LSR: variants seen among roughly 807,000 people sequenced by gnomAD.
The protein encoded by LSR is lipolysis stimulated lipoprotein receptor.
A neutral mutation model predicts 61.8 loss-of-function variants in LSR; 44 were observed. The observed-to-expected ratio is 0.71, with a 90% confidence interval of 0.56 to 0.91. The LOEUF (loss-of-function observed/expected upper bound fraction) is 0.91, where lower values mean the gene tolerates loss of function less well. Ranked by LOEUF, LSR falls within the 40% of genes least tolerant of loss-of-function variation. The pLI is 0.00. For missense variants in LSR, 911 were observed against 830.5 expected, an observed-to-expected ratio of 1.10 and a Z score of -1.19; for synonymous variants, 397 against 350.6, an observed-to-expected ratio of 1.13 and a Z score of -1.48.
rs372103756 is a variant in LSR, at chr19:35,263,475, C to T, written c.778+783C>T. Among the ~76,000 whole-genome samples, 235 of 152,286 alleles carry T rather than the reference C, an allele frequency of 1.5e-3. 9 individuals are homozygous for T. The South Asian group carries it at 0.037, about 24-fold the overall frequency. Reference sequence around the variant, plus strand: ...GGTTCAAGCAGTCCTCCCGCCTCAGCCTCTGGAGCAGCTGGGACTGTAGGC... The same window carrying T: ...GGTTCAAGCAGTCCTCCCGCCTCAGTCTCTGGAGCAGCTGGGACTGTAGGC... On this transcript the variant is annotated intron_variant, in intron 5 of 9. Transcript: ENST00000605618.
At chr19:35,261,272 T>A (rs987233440) in intron 3 of LSR, among the ~76,000 whole-genome samples, 31 of 152,210 alleles carry the variant, frequency 2.0e-4, no homozygotes, top group African/African-American at 7.0e-4. Context: ...TATGTGGGTA[T>A]TTTTGCCTTC....
intron 4 of LSR, 132 bp downstream of exon 4, chr19:35,262,113 T>C (rs1262543818): frequency 3.5e-6 from 3 of 866,468 alleles, no homozygotes; most frequent in Non-Finnish European, 5.3e-6. Context: ...CTGGCCTGAC[T>C]GTGGCTCTGA....
In LSR at chr19:35,267,737, G is replaced by A. The variant is rs774957930; in HGVS notation, c.1770+3G>A. 6.2e-7 allele frequency: 1 copy of A among 1,609,570 alleles called. No individual in the cohort carries two copies. Among genetic ancestry groups the A allele is most frequent in the Non-Finnish European group, 8.5e-7 (1 of 1,178,614 alleles). On this transcript the variant is annotated splice_donor_region_variant and intron_variant, in intron 9 of 9. Coordinates refer to ENST00000605618, the MANE Select transcript of LSR (RefSeq NM_205834.4). The stretch of plus-strand genomic sequence containing the variant: ...CCCGAGAGCGCAGGCTCAAGAAGGT[G>A]AGGGCCGCCCTCCCTGGCGTCCAGA...
rs766581305 is a variant in LSR, at chr19:35,249,002, A to G, written c.-21A>G. The G allele has an allele frequency of 7.5e-6, 12 of 1,609,762 alleles. No homozygotes were observed. In the South Asian group the frequency reaches 7.7e-5, roughly 10 times the overall value. ...GTACTTTGGAAGGGACGCGCGGGCC[A>G]GACGCGCCCAGACGGCCGCGATGGC... On this transcript the variant is annotated 5_prime_UTR_variant, in exon 1 of 10. Coordinates refer to ENST00000605618, the MANE Select transcript of LSR (RefSeq NM_205834.4).
intron 2 of LSR, chr19:35,253,328 G>T (rs2065818874): frequency 6.6e-6 from 1 of 151,912 alleles, no homozygotes; most frequent in African/African-American, 2.4e-5. Context: ...AAAAAAAAAA[G>T]AAAAAAGAAA....
intron 2 of LSR, among the ~76,000 whole-genome samples, chr19:35,255,062 A>G (rs748973867): frequency 3.3e-5 from 5 of 152,132 alleles, no homozygotes; most frequent in Non-Finnish European, 7.4e-5. Flanking sequence ...ATCTGAAGAC[A>G]CTGGTGGCTC....
chr19:35,262,904 CTTTTG>C (rs896235597), intron 5 of LSR: 2 of 593,704 alleles, frequency 3.4e-6, no homozygotes, highest in African/African-American at 3.7e-5. Flanking sequence ...TTGTTCTTTT[CTTTTG>C]TAAGTATAAT....
At chr19:35,249,314 G>GA in intron 1 of LSR, 183 bp downstream of exon 1, 4 of 688,476 alleles carry the variant, frequency 5.8e-6, no homozygotes, top group Non-Finnish European at 9.0e-6. Context: ...TTGTGCCGGG[G>GA]AGCGCTCCCC....
chr19:35,267,878 G>C lies in LSR; in HGVS notation c.*19G>C. On this transcript the variant is annotated 3_prime_UTR_variant, in exon 10 of 10. Coordinates refer to ENST00000605618, the MANE Select transcript of LSR (RefSeq NM_205834.4). The stretch of plus-strand genomic sequence containing the variant: ...CGTCTGATCTGACGTTTTCTACGTA[G>C]CTTTTGTATTTTTTTTTTTAATTTG... 2 of 1,612,982 alleles carry C rather than the reference G, an allele frequency of 1.2e-6. No individual in the cohort carries two copies. The highest frequency in any genetic ancestry group is 1.3e-5 in the African/African-American group (1 of 74,914).
intron 5 of LSR, among the ~76,000 whole-genome samples, chr19:35,265,012 T>G (rs952822119): frequency 6.6e-6 from 1 of 152,080 alleles, no homozygotes; most frequent in Non-Finnish European, 1.5e-5. Context: ...CTTCATGGGT[T>G]GTTGTTAGCA....
chr19:35,256,974 C>G (rs1002534642), intron 2 of LSR, among the ~76,000 whole-genome samples: 3 of 151,986 alleles, frequency 2.0e-5, no homozygotes, highest in Admixed American at 6.6e-5. Context: ...GTAGCTGGGA[C>G]TACAGGTGCG....
chr19:35,266,100 T>G (rs1365853208), intron 5 of LSR, among the ~76,000 whole-genome samples: 1 of 152,234 alleles, frequency 6.6e-6, no homozygotes, highest in East Asian at 1.9e-4. Flanking sequence ...ACCCTGGGGC[T>G]GTGGGTGCCT....
intron 2 of LSR, 93 bp from the exon 3 acceptor site, chr19:35,258,852 C>G: frequency 6.5e-7 from 1 of 1,529,212 alleles, no homozygotes; most frequent in Non-Finnish European, 9.0e-7. Flanking sequence ...CTGCTTGCCC[C>G]CTCCTGGGTG....
chr19:35,251,936 G>A (rs1242244056), intron 2 of LSR, among the ~76,000 whole-genome samples: 2 of 146,410 alleles, frequency 1.4e-5, no homozygotes, highest in African/African-American at 2.5e-5. Context: ...CCGGGTTCAC[G>A]CCATTCTCCT....
chr19:35,265,390 C>T (rs2065983868), intron 5 of LSR, among the ~76,000 whole-genome samples: 1 of 152,250 alleles, frequency 6.6e-6, no homozygotes, highest in Non-Finnish European at 1.5e-5. Context: ...GTTACATCTG[C>T]TGCTGCCACA....
rs552463790 is a variant in LSR, at chr19:35,267,454, G to A, written c.1490G>A (p.Arg497His). 21 of 1,610,394 alleles carry A rather than the reference G, an allele frequency of 1.3e-5. No homozygotes were observed. The East Asian group carries it at 4.5e-4, about 34-fold the overall frequency. ...YDQDDSRDFP[R>H]SRDPHYDDFR... is the part of the protein sequence containing the mutation. Reference sequence around the variant, plus strand: ...CAAGACGACTCGAGGGACTTCCCACGCTCCCGGGACCCCCACTACGACGAC... The same window carrying A: ...CAAGACGACTCGAGGGACTTCCCACACTCCCGGGACCCCCACTACGACGAC... Residue 497 changes from arginine to histidine, a missense_variant, in exon 9 of 10, where the codon CGC becomes CAC. Transcript: ENST00000605618.
Position 35,249,061 on chromosome 19 carries a change from C to T in LSR, c.39C>T (p.Gly13=), listed in dbSNP as rs1404056781. The T allele has an allele frequency of 5.7e-6, 9 of 1,573,980 alleles. No individual in the cohort carries two copies. The African/African-American group carries it at 6.8e-5, about 12-fold the overall frequency. Residue 13 remains glycine, a synonymous_variant, in exon 1 of 10, where the codon GGC becomes GGT. Transcript: ENST00000605618. ...LLAGGLSRGL[G]SHPAAAGRDA... is the part of the protein sequence containing the mutation. ...CCGGCGGGCTCTCCAGAGGGCTGGGCTCCCACCCGGCCGCCGCAGGCCGGG... is the reference window on the plus strand; with the variant it reads ...CCGGCGGGCTCTCCAGAGGGCTGGGTTCCCACCCGGCCGCCGCAGGCCGGG...
At chr19:35,254,049 A>G (rs1392547524) in intron 2 of LSR, among the ~76,000 whole-genome samples, 1 of 152,138 alleles carries the variant, frequency 6.6e-6, no homozygotes, top group Non-Finnish European at 1.5e-5. Flanking sequence ...AGCTTTGAGG[A>G]TGGGGAAAAG....
Position 35,250,674 on chromosome 19 carries a change from G to T in LSR, c.454+15G>T. The T allele has an allele frequency of 6.5e-7, 1 of 1,527,836 alleles. No individual in the cohort carries two copies. Among genetic ancestry groups the T allele is most frequent in the South Asian group, 1.3e-5 (1 of 77,764 alleles). 94.6% of individuals were successfully genotyped at this position (1,527,836 alleles called of 1,614,324 possible). On this transcript the variant is annotated intron_variant, in intron 2 of 9. Transcript: ENST00000605618. ...CATCACCGGAAGTATGTTGGGCAGG[G>T]CAGGGGGATGAGGCTGGGCTTGCCC...
Sources: allele counts gnomAD v4.1 joint callset (sites outside exome capture counted in the v4.1 genomes callset), GRCh38; gene constraint gnomAD v4.1.1; transcripts MANE v1.5; gene names NCBI Gene and HGNC (gene_info 2026-07-23, HGNC 2026-07-21).